The following SLC5A8 variants were observed in gnomAD, a reference collection of about 807,000 sequenced individuals.
The protein encoded by SLC5A8 is sodium-coupled monocarboxylate transporter 1.
A neutral mutation model predicts 71.9 loss-of-function variants in SLC5A8; 55 were observed. The observed-to-expected ratio is 0.77, with a 90% CI of 0.62 to 0.96. The LOEUF is 0.96. Among genes scored for constraint, SLC5A8 ranks in the 40% least tolerant of loss-of-function variants. The pLI is 0.00. For missense variants in SLC5A8, 701 were observed against 745.3 expected (o/e 0.94, Z 0.69); for synonymous variants, 307 against 276.1 (o/e 1.11, Z -1.11).
chr12:101,173,419 G>A (rs1001337254), intron 10 of SLC5A8, among the ~76,000 whole-genome samples: 7 of 152,206 alleles, frequency 4.6e-5, no homozygotes, highest in African/African-American at 1.7e-4. Flanking sequence ...CTCAGCCCAA[G>A]TGATGACTGG....
chr12:101,210,090 A>C lies in SLC5A8; in HGVS notation c.-242T>G. The C allele has an allele frequency of 8.7e-5, 39 of 450,308 alleles. No individual in the cohort carries two copies. The highest frequency in any genetic ancestry group is 2.2e-4 in the East Asian group (6 of 27,042). 27.9% of individuals were successfully genotyped at this position (450,308 alleles called of 1,614,324 possible). On this transcript the variant is annotated 5_prime_UTR_variant, in exon 1 of 15. Transcript: ENST00000536262. ...AAACCCAGGTATGGGACCTCGGAAA[A>C]TCGACCCGCTGCCCTGAGTGCTCAC... is the stretch of plus-strand genomic sequence containing the variant.
At chr12:101,192,410 GT>G (rs34203300) in intron 5 of SLC5A8, among the ~76,000 whole-genome samples, 143,255 of 151,948 alleles carry the variant, frequency 0.94, 67,632 homozygotes, top group East Asian at 1. Flanking sequence ...TGCAAAATGG[GT>G]TTTTTTTTCT....
At chr12:101,183,194 C>T (rs183287618) in intron 8 of SLC5A8, among the ~76,000 whole-genome samples, 10 of 151,856 alleles carry the variant, frequency 6.6e-5, no homozygotes, top group African/African-American at 1.2e-4. Flanking sequence ...TACAGGCGCC[C>T]GCCAACAAGC....
chr12:101,196,940 C>T (rs377222761), intron 3 of SLC5A8, among the ~76,000 whole-genome samples: 1 of 152,150 alleles, frequency 6.6e-6, no homozygotes, highest in African/African-American at 2.4e-5. Flanking sequence ...TCCCCCACCC[C>T]GCAAGTGAGT....
chr12:101,172,411 G>A lies in SLC5A8; in HGVS notation c.1234-4229C>T, dbSNP rs116005206. 4.3e-3 allele frequency among the ~76,000 whole-genome samples: 648 copies of A among 152,224 alleles called. 5 individuals carry two copies. Among genetic ancestry groups the A allele is most frequent in the African/African-American group, 0.014 (588 of 41,524 alleles). ...GTGGGTGGGATGACTGGACGACATT[G>A]GTATTAAGGAGAGTTTGCAGGAATT... On this transcript the variant is annotated intron_variant, in intron 10 of 14. Coordinates refer to ENST00000536262, the MANE Select transcript of SLC5A8 (RefSeq NM_145913.5).
chr12:101,208,325 G>GCCA (rs1869762001), intron 1 of SLC5A8, among the ~76,000 whole-genome samples: 2 of 151,898 alleles, frequency 1.3e-5, no homozygotes, highest in African/African-American at 4.8e-5. Context: ...TTGTTGTGCC[G>GCCA]TTAAGGCCCT....
chr12:101,161,228 T>C (rs1170084991), intron 13 of SLC5A8, among the ~76,000 whole-genome samples: 1 of 152,236 alleles, frequency 6.6e-6, no homozygotes, highest in Non-Finnish European at 1.5e-5. Flanking sequence ...ACCTCTTCTT[T>C]TGTCTACTCT....
chr12:101,171,805 G>A (rs1002138442), intron 10 of SLC5A8, among the ~76,000 whole-genome samples: 1 of 152,176 alleles, frequency 6.6e-6, no homozygotes, highest in African/African-American at 2.4e-5. Flanking sequence ...AGTGACCTCA[G>A]TGCCAAGTAA....
rs556543085 is a variant in SLC5A8 at position 101,189,642 on chromosome 12, C to T, written c.833+826G>A. ...ACCATTCCACACTCTTTGCTCAAGC[C>T]AAGATGGGCTTGAGAGTTCTGGACC... is the stretch of plus-strand genomic sequence containing the variant. On this transcript the variant is annotated intron_variant, in intron 6 of 14. Transcript: ENST00000536262. Among the ~76,000 whole-genome samples, 3 of 152,228 alleles carry T rather than the reference C, an allele frequency of 2.0e-5. No individual in the cohort carries two copies. The East Asian group carries it at 5.8e-4, about 29-fold the overall frequency.
intron 6 of SLC5A8, among the ~76,000 whole-genome samples, chr12:101,187,797 G>C (rs2137152322): frequency 6.6e-6 from 1 of 152,236 alleles, no homozygotes; most frequent in African/African-American, 2.4e-5. Context: ...GCTTTATAAA[G>C]GTACCTAGTT....
At chr12:101,188,670 A>G (rs1868767016) in intron 6 of SLC5A8, among the ~76,000 whole-genome samples, 1 of 152,158 alleles carries the variant, frequency 6.6e-6, no homozygotes. Flanking sequence ...CGATTCTCTG[A>G]TAAACTCTTC....
chr12:101,165,119 T>A (rs1336765123), intron 12 of SLC5A8, among the ~76,000 whole-genome samples: 2 of 152,158 alleles, frequency 1.3e-5, no homozygotes, highest in Non-Finnish European at 2.9e-5. Flanking sequence ...AGAGGAAGAT[T>A]TTCTTCCATG....
chr12:101,167,110 C>T (rs1469775742), intron 11 of SLC5A8, among the ~76,000 whole-genome samples: 1 of 152,136 alleles, frequency 6.6e-6, no homozygotes, highest in Non-Finnish European at 1.5e-5. Flanking sequence ...TACACGCTGG[C>T]AACAAATGCC....
chr12:101,180,199 C>T, intron 9 of SLC5A8, 103 bp from the exon 10 acceptor site: 1 of 1,214,488 alleles, frequency 8.2e-7, no homozygotes, highest in East Asian at 2.3e-5. Context: ...GATAATATGA[C>T]TGTGGTGAAG....
At chr12:101,200,460 G>C (rs537743995) in intron 3 of SLC5A8, among the ~76,000 whole-genome samples, 2 of 151,814 alleles carry the variant, frequency 1.3e-5, no homozygotes, top group Non-Finnish European at 2.9e-5. Context: ...AAGAAAAACT[G>C]GTTTTCAATT....
intron 3 of SLC5A8, 85 bp from the exon 4 acceptor site, chr12:101,195,247 T>C: frequency 7.0e-7 from 1 of 1,423,788 alleles, no homozygotes; most frequent in Non-Finnish European, 9.7e-7. Flanking sequence ...AAGGAAGCTA[T>C]ATCATTTATC....
intron 7 of SLC5A8, among the ~76,000 whole-genome samples, chr12:101,186,329 G>A (rs1313632777): frequency 6.6e-6 from 1 of 152,094 alleles, no homozygotes; most frequent in African/African-American, 2.4e-5. Context: ...ATAGGGTTGA[G>A]AAACAGCTCC....
At chr12:101,166,457 T>C (rs932975355) in intron 12 of SLC5A8, 37 bp downstream of exon 12, 1 of 1,561,186 alleles carries the variant, frequency 6.4e-7, no homozygotes, top group Non-Finnish European at 8.7e-7. Context: ...TTGCGTAAAT[T>C]TTTTAAAGTA....
chr12:101,183,021 T>G, intron 8 of SLC5A8, 106 bp from the exon 9 acceptor site: 2 of 400,042 alleles, frequency 5.0e-6, no homozygotes. Context: ...AAATATAACC[T>G]GATTTCTACT....
Sources: allele counts gnomAD v4.1 joint callset (sites outside exome capture counted in the v4.1 genomes callset), GRCh38; gene constraint gnomAD v4.1.1; transcripts MANE v1.5; gene names NCBI Gene and HGNC (gene_info 2026-07-23, HGNC 2026-07-21).